EDA: variants seen among roughly 807,000 people sequenced by gnomAD.
The protein encoded by EDA is ectodysplasin A, also known as ectodysplasin-A.
Under a neutral mutation model 23.6 loss-of-function variants are expected in EDA, and 2 were observed. The ratio of observed to expected loss-of-function variants is 0.08; its 90% CI spans 0.03 to 0.27. The LOEUF (loss-of-function observed/expected upper bound fraction) is 0.27, where lower values mean the gene tolerates loss of function less well. EDA is among the 10% of genes least tolerant of loss of function. The pLI, the probability that EDA is intolerant of heterozygous loss-of-function variation, is 1.00. For synonymous variants in EDA, 131 were observed against 132.0 expected (o/e 0.99, Z 0.05); for missense variants, 229 against 324.2 (o/e 0.71, Z 2.26).
At chrX:69,953,485 G>A (rs2018957440) in intron 1 of EDA, among the ~76,000 whole-genome samples, 2 of 111,617 alleles carry the variant, frequency 1.8e-5, no homozygotes, top group Admixed American at 9.5e-5. Flanking sequence ...AAATAGTTTG[G>A]CAGTTTCTTA....
intron 1 of EDA, among the ~76,000 whole-genome samples, chrX:69,645,751 C>T (rs998045848): frequency 8.5e-5 from 9 of 106,175 alleles, no homozygotes; most frequent in African/African-American, 3.1e-4. Context: ...ATGTAAATGA[C>T]GAGTTCTCTA....
At chrX:69,977,319 C>T (rs1237360223) in intron 2 of EDA, among the ~76,000 whole-genome samples, 1 of 111,495 alleles carries the variant, frequency 9.0e-6, no homozygotes, top group African/African-American at 3.3e-5. Flanking sequence ...TAGCCTGAAC[C>T]CCTTGACACC....
chrX:69,771,043 G>GTATT (rs748339806), intron 1 of EDA, among the ~76,000 whole-genome samples: 5,341 of 109,476 alleles, frequency 0.049, 117 homozygotes, highest in Non-Finnish European at 0.069. Context: ...TGCAAAGAAA[G>GTATT]TATTTATTTA....
At chrX:69,874,431 C>T (rs938082779) in intron 1 of EDA, among the ~76,000 whole-genome samples, 7 of 112,185 alleles carry the variant, frequency 6.2e-5, no homozygotes, top group African/African-American at 1.9e-4. Context: ...AAGCATTTGA[C>T]AAAATCCATC....
chrX:69,989,753 T>G (rs1039657288), intron 2 of EDA, among the ~76,000 whole-genome samples: 17 of 109,817 alleles, frequency 1.5e-4, no homozygotes, highest in African/African-American at 4.6e-4. Flanking sequence ...AGCTCAATAG[T>G]AGAGTGGAGA....
chrX:69,815,968 C>T (rs1040632082), intron 1 of EDA, among the ~76,000 whole-genome samples: 1 of 111,521 alleles, frequency 9.0e-6, no homozygotes, highest in Non-Finnish European at 1.9e-5. Flanking sequence ...CAGTAGCCCC[C>T]TGGGATGGAG....
chrX:69,871,075 G>C (rs1052815172), intron 1 of EDA, among the ~76,000 whole-genome samples: 11 of 111,670 alleles, frequency 9.9e-5, no homozygotes, highest in African/African-American at 3.6e-4. Flanking sequence ...CTCATGAGTG[G>C]TGAATCAGAA....
At chrX:69,828,858 T>G (rs1355860265) in intron 1 of EDA, among the ~76,000 whole-genome samples, 1 of 112,628 alleles carries the variant, frequency 8.9e-6, no homozygotes, top group Non-Finnish European at 1.9e-5. Context: ...TTTTGTCAAG[T>G]GACAGCTAGT....
At chrX:69,617,869 C>A (rs1219803395) in intron 1 of EDA, 6 of 243,106 alleles carry the variant, frequency 2.5e-5, no homozygotes, top group Non-Finnish European at 4.5e-5. Flanking sequence ...TAAAGTGGTA[C>A]GCTTGATAGA....
At chrX:69,646,688 G>C (rs778927508) in intron 1 of EDA, among the ~76,000 whole-genome samples, 20 of 111,628 alleles carry the variant, frequency 1.8e-4, no homozygotes, top group Non-Finnish European at 3.4e-4. Context: ...TTACATTTAA[G>C]ATTAGCATGT....
chrX:70,024,809 G>T (rs2020085782), intron 3 of EDA, among the ~76,000 whole-genome samples: 1 of 112,283 alleles, frequency 8.9e-6, no homozygotes, highest in Admixed American at 9.4e-5. Flanking sequence ...TTTGGGCTTA[G>T]CTAAAAGGTT....
intron 1 of EDA, among the ~76,000 whole-genome samples, chrX:69,626,637 AG>A (rs1932395605): frequency 9.0e-6 from 1 of 111,560 alleles, no homozygotes; most frequent in Non-Finnish European, 1.9e-5. Context: ...TGCCTGGGGC[AG>A]GGGGTAGGAA....
chrX:69,624,484 T>C (rs976426078), intron 1 of EDA, among the ~76,000 whole-genome samples: 1 of 111,481 alleles, frequency 9.0e-6, no homozygotes, highest in Non-Finnish European at 1.9e-5. Flanking sequence ...TATGAAAGAT[T>C]ATAGTAGAGA....
At chrX:69,670,959 T>C (rs1336458166) in intron 1 of EDA, among the ~76,000 whole-genome samples, 1 of 111,894 alleles carries the variant, frequency 8.9e-6, no homozygotes, top group Non-Finnish European at 1.9e-5. Context: ...TCCATTCCTC[T>C]GGTAGTATCA....
chrX:69,712,824 A>G (rs1267763731), intron 1 of EDA, among the ~76,000 whole-genome samples: 2 of 111,338 alleles, frequency 1.8e-5, no homozygotes, highest in Non-Finnish European at 3.8e-5. Context: ...ATGTCCAACA[A>G]TGATAGACTG....
At chrX:69,867,494 C>T (rs919578948) in intron 1 of EDA, among the ~76,000 whole-genome samples, 1 of 112,380 alleles carries the variant, frequency 8.9e-6, no homozygotes, top group Non-Finnish European at 1.9e-5. Context: ...CCATTAGCTA[C>T]AGCCCACAAA....
At chrX:70,004,399 T>C (rs1192939575) in intron 2 of EDA, among the ~76,000 whole-genome samples, 1 of 111,893 alleles carries the variant, frequency 8.9e-6, no homozygotes, top group East Asian at 2.8e-4. Flanking sequence ...CCCTACCTTT[T>C]CTTGCCTTTT....
At chrX:69,806,361 T>C (rs2015814974) in intron 1 of EDA, among the ~76,000 whole-genome samples, 1 of 111,347 alleles carries the variant, frequency 9.0e-6, no homozygotes, top group African/African-American at 3.2e-5. Flanking sequence ...ATGAATAGTC[T>C]CGACTTGTTC....
At chrX:69,686,817 A>G (rs1334782609) in intron 1 of EDA, among the ~76,000 whole-genome samples, 2 of 111,950 alleles carry the variant, frequency 1.8e-5, no homozygotes, top group Non-Finnish European at 3.8e-5. Flanking sequence ...ACATTTATCT[A>G]TTCATCAATG....
Sources: allele counts gnomAD v4.1 joint callset (sites outside exome capture counted in the v4.1 genomes callset), GRCh38; gene constraint gnomAD v4.1.1; transcripts MANE v1.5; gene names NCBI Gene and HGNC (gene_info 2026-07-23, HGNC 2026-07-21).